The following FER variants were observed in gnomAD, a reference collection of about 807,000 sequenced individuals.
FER encodes the protein FER tyrosine kinase.
A neutral mutation model predicts 111.0 loss-of-function variants in FER; 63 were observed. That is an observed-to-expected ratio of 0.57 (90% confidence interval 0.46 to 0.70). FER has a LOEUF of 0.70. FER is among the 30% of genes least tolerant of loss of function. The pLI, the probability that FER is intolerant of heterozygous loss-of-function variation, is 0.00. For missense variants in FER, 914 were observed against 954.0 expected, an observed-to-expected ratio of 0.96 and a Z score of 0.55; for synonymous variants, 327 against 313.9, an observed-to-expected ratio of 1.04 and a Z score of -0.44.
chr5:109,101,398 G>C (rs1030745544), intron 17 of FER, among the ~76,000 whole-genome samples: 1 of 151,858 alleles, frequency 6.6e-6, no homozygotes, highest in Admixed American at 6.6e-5. Flanking sequence ...TCATTGTCCA[G>C]GCTTTGCTTT....
Position 108,798,114 on chromosome 5 carries a change from A to T in FER, c.-59-10A>T. 9.5e-7 allele frequency: 1 copy of T among 1,057,214 alleles called. No homozygotes were observed. Among genetic ancestry groups the T allele is most frequent in the Non-Finnish European group, 1.4e-6 (1 of 737,664 alleles). 65.5% of individuals were successfully genotyped at this position (1,057,214 alleles called of 1,614,324 possible). A position where few individuals can be genotyped will look rare whatever the true frequency, so the allele number is the denominator to read the frequency against. On this transcript the variant is annotated splice_polypyrimidine_tract_variant and intron_variant, in intron 2 of 19. Transcript: ENST00000281092. ...ATTTAAGAGTTTTTCTCTTTTGTTT[A>T]CATACACAGATATGTGCTGATTAGA... is the stretch of plus-strand genomic sequence containing the variant.
intron 17 of FER, among the ~76,000 whole-genome samples, chr5:109,143,436 G>A (rs1055415760): frequency 6.6e-6 from 1 of 152,066 alleles, no homozygotes; most frequent in Non-Finnish European, 1.5e-5. Context: ...TCCAGTGTAA[G>A]TTTTTGTTTC....
chr5:109,104,350 C>T lies in FER; in HGVS notation c.2048+3831C>T, dbSNP rs568831681. Among the ~76,000 whole-genome samples, 130 of 152,266 alleles carry T rather than the reference C, an allele frequency of 8.5e-4. 1 individual carries two copies. Among genetic ancestry groups the T allele is most frequent in the African/African-American group, 2.6e-3 (108 of 41,544 alleles). On this transcript the variant is annotated intron_variant, in intron 17 of 19. Transcript: ENST00000281092. Reference sequence around the variant, plus strand: ...AAATGAAGATTATAGTCACTGCCCTCAGATGGATAGAACAAAAGTTAACAA... The same window carrying T: ...AAATGAAGATTATAGTCACTGCCCTTAGATGGATAGAACAAAAGTTAACAA...
At position 109,028,355 on chromosome 5, in the gene FER, AAAT is replaced by A. The variant is rs1248893407; in HGVS notation, c.1657-9066_1657-9064del. Among the ~76,000 whole-genome samples, 192 of 149,882 alleles carry A rather than the reference AAAT, an allele frequency of 1.3e-3. 3 individuals are homozygous for A. The highest frequency in any genetic ancestry group is 6.6e-4 in the Non-Finnish European group (45 of 68,026). On this transcript the variant is annotated intron_variant, in intron 13 of 19. Coordinates refer to ENST00000281092, the MANE Select transcript of FER (RefSeq NM_005246.4). ...CAAAGTATGTAAATCATAAGTTAAA[AAAT>A]CTGTTAGGAATAGAACTTGAAACTT...
intron 17 of FER, among the ~76,000 whole-genome samples, chr5:109,133,753 C>T (rs1752609305): frequency 6.6e-6 from 1 of 152,032 alleles, no homozygotes; most frequent in Non-Finnish European, 1.5e-5. Context: ...ATGTATTTCC[C>T]ATGAGTCAAC....
intron 16 of FER, among the ~76,000 whole-genome samples, chr5:109,088,034 G>A (rs1777758282): frequency 6.6e-6 from 1 of 151,896 alleles, no homozygotes; most frequent in South Asian, 2.1e-4. Flanking sequence ...AAACACAGTA[G>A]GAGACATAAG....
chr5:109,045,767 C>G (rs954437235), intron 15 of FER, among the ~76,000 whole-genome samples: 2 of 152,162 alleles, frequency 1.3e-5, no homozygotes, highest in African/African-American at 4.8e-5. Flanking sequence ...CCTGGAAAGT[C>G]CTTGGCCACA....
chr5:109,084,768 C>T (rs1777369416), intron 16 of FER, among the ~76,000 whole-genome samples: 1 of 151,694 alleles, frequency 6.6e-6, no homozygotes, highest in East Asian at 1.9e-4. Context: ...ACTAATTTCA[C>T]CTATGATGTT....
intron 17 of FER, among the ~76,000 whole-genome samples, chr5:109,114,918 T>C (rs1750048754): frequency 1.3e-5 from 2 of 152,086 alleles, no homozygotes; most frequent in Non-Finnish European, 2.9e-5. Flanking sequence ...GGTCTTGTTT[T>C]ACCAACTACT....
chr5:109,066,941 AGG>A (rs1377478441), intron 16 of FER, among the ~76,000 whole-genome samples: 1 of 152,174 alleles, frequency 6.6e-6, no homozygotes, highest in African/African-American at 2.4e-5. Context: ...ATTTTGTTTT[AGG>A]GGCCTTAGGA....
chr5:108,926,707 A>T (rs1222447766), intron 10 of FER, among the ~76,000 whole-genome samples: 1 of 152,214 alleles, frequency 6.6e-6, no homozygotes, highest in African/African-American at 2.4e-5. Flanking sequence ...GTCAGATGTT[A>T]CCACACTCAC....
At chr5:109,141,368 A>G (rs560467297) in intron 17 of FER, among the ~76,000 whole-genome samples, 3 of 152,302 alleles carry the variant, frequency 2.0e-5, no homozygotes, top group East Asian at 3.9e-4. Context: ...TTTCCTCTGC[A>G]TTGGGCTTGA....
intron 17 of FER, among the ~76,000 whole-genome samples, chr5:109,145,236 G>T (rs1043303353): frequency 1.3e-5 from 2 of 151,930 alleles, no homozygotes; most frequent in African/African-American, 2.4e-5. Flanking sequence ...AGTATGTCCT[G>T]AAGAACAAGG....
intron 2 of FER, among the ~76,000 whole-genome samples, chr5:108,786,903 C>G (rs1284708240): frequency 2.0e-5 from 3 of 152,274 alleles, no homozygotes; most frequent in Admixed American, 6.5e-5. Flanking sequence ...ACATCTTCCT[C>G]TAACTTTTGA....
chr5:109,011,252 G>A (rs1050760142), intron 13 of FER, among the ~76,000 whole-genome samples: 2 of 152,062 alleles, frequency 1.3e-5, no homozygotes, highest in Non-Finnish European at 2.9e-5. Flanking sequence ...GTGAGATATT[G>A]AGAAGATGTA....
intron 13 of FER, among the ~76,000 whole-genome samples, chr5:109,015,550 A>T (rs191927722): frequency 6.7e-6 from 1 of 148,882 alleles, no homozygotes; most frequent in Non-Finnish European, 1.5e-5. Flanking sequence ...AAGAGCTTCT[A>T]TCTGCCAGTG....
intron 16 of FER, among the ~76,000 whole-genome samples, chr5:109,072,286 T>A (rs1352079983): frequency 2.0e-5 from 3 of 151,520 alleles, no homozygotes; most frequent in African/African-American, 4.8e-5. Flanking sequence ...ATGATGTGAG[T>A]TGGCATGTAT....
Position 109,031,456 on chromosome 5 carries a change from C to A in FER, c.1657-5966C>A, listed in dbSNP as rs1334337998. ...GTTTGGATGCTGGATAATATACATT[C>A]TATATTTGTATAGTAGAACAAATGC... On this transcript the variant is annotated intron_variant, in intron 13 of 19. Coordinates refer to ENST00000281092, the MANE Select transcript of FER (RefSeq NM_005246.4). 3.9e-5 allele frequency among the ~76,000 whole-genome samples: 6 copies of A among 152,090 alleles called. No homozygotes were observed. In the East Asian group the frequency reaches 1.2e-3, roughly 29 times the overall value.
At chr5:109,016,968 G>A (rs1326220211) in intron 13 of FER, among the ~76,000 whole-genome samples, 1 of 152,086 alleles carries the variant, frequency 6.6e-6, no homozygotes, top group East Asian at 1.9e-4. Context: ...GCCATGTGAG[G>A]ACACAGTGGG....
Sources: allele counts gnomAD v4.1 joint callset (sites outside exome capture counted in the v4.1 genomes callset), GRCh38; gene constraint gnomAD v4.1.1; transcripts MANE v1.5; gene names NCBI Gene and HGNC (gene_info 2026-07-23, HGNC 2026-07-21).